Variants in AAK1 observed in about 807,000 individuals in gnomAD.
AAK1 encodes the protein AP2 associated kinase 1.
AAK1 carries 37 observed loss-of-function variants against 116.0 expected under a neutral mutation model. The observed-to-expected ratio is 0.32, with a 90% CI of 0.25 to 0.42. The LOEUF is 0.42. Among genes scored for constraint, AAK1 ranks in the 10% least tolerant of loss-of-function variants. The pLI is 1.00. For synonymous variants in AAK1, 458 were observed against 439.9 expected, an observed-to-expected ratio of 1.04 and a Z score of -0.51; for missense variants, 919 against 1,170.6, an observed-to-expected ratio of 0.79 and a Z score of 3.14.
chr2:69,514,539 C>T lies in AAK1; in HGVS notation c.1708G>A (p.Ala570Thr), dbSNP rs764345230. Reference protein sequence around the residue: ...QAALQQKPTMAAGQQPQPQPA... With the variant: ...QAALQQKPTMTAGQQPQPQPA... ...TGTGGCTGGGGCTGCTGTCCTGCTG[C>T]CATAGTGGGCTTTTGCTGCAAGGCA... Residue 570 changes from alanine to threonine, a missense_variant, in exon 13 of 22, where the codon GCA becomes ACA. Coordinates refer to ENST00000409085, the MANE Select transcript of AAK1 (RefSeq NM_014911.5). 9.7e-6 allele frequency: 15 copies of T among 1,552,572 alleles called. No individual in the cohort carries two copies. The African/African-American group carries it at 1.6e-4, about 17-fold the overall frequency.
chr2:69,610,520 A>G (rs1674030025), intron 2 of AAK1, among the ~76,000 whole-genome samples: 1 of 152,260 alleles, frequency 6.6e-6, no homozygotes, highest in South Asian at 2.1e-4. Flanking sequence ...GCAAAAATTA[A>G]ACACTTTTGA....
chr2:69,494,029 A>G (rs895116553), intron 17 of AAK1, among the ~76,000 whole-genome samples: 5 of 152,190 alleles, frequency 3.3e-5, no homozygotes, highest in Non-Finnish European at 7.3e-5. Context: ...ATGAGAATTC[A>G]CCAAAGCACA....
chr2:69,642,552 A>G (rs1253732317), intron 2 of AAK1, among the ~76,000 whole-genome samples: 2 of 152,072 alleles, frequency 1.3e-5, no homozygotes, highest in Non-Finnish European at 2.9e-5. Flanking sequence ...TGACAAGCCC[A>G]TCACCCTGCC....
At chr2:69,499,239 C>T (rs1675875161) in intron 16 of AAK1, among the ~76,000 whole-genome samples, 1 of 152,188 alleles carries the variant, frequency 6.6e-6, no homozygotes, top group Non-Finnish European at 1.5e-5. Context: ...TCTGAATTCC[C>T]ACTCTCTAAC....
intron 12 of AAK1, 69 bp from the exon 13 acceptor site, chr2:69,514,818 A>C (rs559405542): frequency 4.8e-6 from 7 of 1,460,598 alleles, no homozygotes; most frequent in African/African-American, 1.4e-5. Context: ...CAAATGTCTC[A>C]AAAACAATGA....
intron 3 of AAK1, among the ~76,000 whole-genome samples, chr2:69,551,464 G>T (rs750029704): frequency 6.6e-6 from 1 of 152,180 alleles, no homozygotes; most frequent in Non-Finnish European, 1.5e-5. Flanking sequence ...GCTTCCTACT[G>T]TACAGGATCT....
At chr2:69,536,153 C>G (rs141426491) in intron 5 of AAK1, among the ~76,000 whole-genome samples, 1 of 152,288 alleles carries the variant, frequency 6.6e-6, no homozygotes, top group African/African-American at 2.4e-5. Flanking sequence ...CCTCACCCAC[C>G]GTGCTGATGT....
chr2:69,553,450 T>G (rs1014586074), intron 3 of AAK1, among the ~76,000 whole-genome samples: 6 of 139,116 alleles, frequency 4.3e-5, no homozygotes, highest in East Asian at 4.1e-4. Flanking sequence ...TTTTTTTTTT[T>G]TTTTTTTTTT....
At chr2:69,492,434 G>C (rs535773393) in intron 17 of AAK1, among the ~76,000 whole-genome samples, 2 of 151,184 alleles carry the variant, frequency 1.3e-5, no homozygotes, top group Non-Finnish European at 2.9e-5. Flanking sequence ...GATTGGCCTC[G>C]AACGCCTGAC....
At position 69,475,546 on chromosome 2, in the gene AAK1, C is replaced by T. The variant is rs1674823116; in HGVS notation, c.*323G>A. 3 of 1,080,922 alleles carry T rather than the reference C, an allele frequency of 2.8e-6. No individual in the cohort carries two copies. The Admixed American group carries it at 1.4e-4, about 52-fold the overall frequency. The allele number at this position is 1,080,922 out of a possible 1,614,324, so 67.0% of individuals were successfully genotyped here. On this transcript the variant is annotated 3_prime_UTR_variant, in exon 22 of 22. Transcript: ENST00000409085. ...AGTGTCAATTCACTAGTTTCAGTTA[C>T]AGTTAAGCTTTTGGTGGAGTTGATT...
In AAK1 at chr2:69,617,675, G is replaced by C. The variant is rs552701829; in HGVS notation, c.163+25203C>G. Among the ~76,000 whole-genome samples the C allele has an allele frequency of 2.4e-4, 37 of 152,294 alleles. No homozygotes were observed. The East Asian group carries it at 5.4e-3, about 22-fold the overall frequency. On this transcript the variant is annotated intron_variant, in intron 2 of 21. Coordinates refer to ENST00000409085, the MANE Select transcript of AAK1 (RefSeq NM_014911.5). ...GTGCCACATGCTTGAGTGTATGAGA[G>C]TGCAAACATCAGGAACAACTAATCA... is the stretch of plus-strand genomic sequence containing the variant.
chr2:69,643,158 G>C lies in AAK1; in HGVS notation c.-118C>G, dbSNP rs1675823910. On this transcript the variant is annotated 5_prime_UTR_variant, in exon 2 of 22. Transcript: ENST00000409085. ...TTCTCAGATTTCACCTCGGAGAGGA[G>C]CCACCCGAATCCGGCCGTGGGGGTG... 2.1e-6 allele frequency: 3 copies of C among 1,430,900 alleles called. No homozygotes were observed. Among genetic ancestry groups the C allele is most frequent in the African/African-American group, 2.9e-5 (2 of 67,952 alleles). 88.6% of individuals were successfully genotyped at this position (1,430,900 alleles called of 1,614,324 possible).
intron 2 of AAK1, among the ~76,000 whole-genome samples, chr2:69,580,602 C>A (rs1056004293): frequency 6.6e-6 from 1 of 152,166 alleles, no homozygotes; most frequent in South Asian, 2.1e-4. Context: ...AGACTCTTGG[C>A]GAGGGTCAGT....
chr2:69,465,785 T>C lies in AAK1; in HGVS notation c.*10084A>G, dbSNP rs769641063. 73 of 1,290,634 alleles carry C rather than the reference T, an allele frequency of 5.7e-5. 2 individuals carry two copies. In the South Asian group the frequency reaches 8.6e-4, roughly 15 times the overall value. The allele number at this position is 1,290,634 out of a possible 1,614,324, so 79.9% of individuals were successfully genotyped here. On this transcript the variant is annotated 3_prime_UTR_variant, in exon 22 of 22. Coordinates refer to ENST00000409085, the MANE Select transcript of AAK1 (RefSeq NM_014911.5). The stretch of plus-strand genomic sequence containing the variant: ...TGCTGTCCAGATGGTCTGCTGCTTG[T>C]ACAGAATGGGACAGGAGGTTAGACT...
At chr2:69,640,481 G>A (rs183945722) in intron 2 of AAK1, among the ~76,000 whole-genome samples, 302 of 152,174 alleles carry the variant, frequency 2.0e-3, no homozygotes, top group Admixed American at 3.5e-3. Flanking sequence ...CCATGCTACT[G>A]TATGTGTGAA....
In AAK1 at chr2:69,470,820, A is replaced by G. The variant is rs1674650408; in HGVS notation, c.*5049T>C. ...TTCTTGTGCCCAGGTACTTATTGTC[A>G]CTCAATACTGTGATTAAATCCTTTC... On this transcript the variant is annotated 3_prime_UTR_variant, in exon 22 of 22. Transcript: ENST00000409085. The G allele has an allele frequency of 1.0e-6, 1 of 985,650 alleles. No homozygotes were observed. The highest frequency in any genetic ancestry group is 1.7e-5 in the African/African-American group (1 of 57,208). 61.1% of individuals were successfully genotyped at this position (985,650 alleles called of 1,614,324 possible).
intron 2 of AAK1, among the ~76,000 whole-genome samples, chr2:69,559,484 G>C (rs1033939614): frequency 6.6e-6 from 1 of 152,110 alleles, no homozygotes; most frequent in African/African-American, 2.4e-5. Flanking sequence ...GAAAATAGTA[G>C]TGTAAATTAC....
At chr2:69,524,152 T>G (rs1421731991) in intron 10 of AAK1, among the ~76,000 whole-genome samples, 1 of 152,220 alleles carries the variant, frequency 6.6e-6, no homozygotes, top group South Asian at 2.1e-4. Flanking sequence ...CTAATGTGGT[T>G]GGAGCCATAG....
At chr2:69,564,717 G>C (rs536813932) in intron 2 of AAK1, among the ~76,000 whole-genome samples, 1 of 152,138 alleles carries the variant, frequency 6.6e-6, no homozygotes, top group African/African-American at 2.4e-5. Context: ...TACCTGCCAA[G>C]GGCTTTCACT....
Sources: gnomAD v4.1 joint callset for allele counts (sites outside exome capture counted in the v4.1 genomes callset) on GRCh38, gnomAD v4.1.1 for gene constraint, MANE v1.5 for transcripts, NCBI Gene and HGNC (gene_info 2026-07-23, HGNC 2026-07-21) for gene names.